The following PRICKLE2 variants were observed in gnomAD, a reference collection of about 807,000 sequenced individuals.
The protein encoded by PRICKLE2 is prickle planar cell polarity protein 2, also known as prickle-like protein 2.
In PRICKLE2, 21 loss-of-function variants were observed where a neutral mutation model predicts 81.4. The observed-to-expected ratio is 0.26, with a 90% CI of 0.18 to 0.37. The LOEUF (loss-of-function observed/expected upper bound fraction) is 0.37, where lower values mean the gene tolerates loss of function less well. Among genes scored for constraint, PRICKLE2 ranks in the 10% least tolerant of loss-of-function variants. The pLI, the probability that PRICKLE2 is intolerant of heterozygous loss-of-function variation, is 1.00. For missense variants in PRICKLE2, 940 were observed against 1,109.0 expected (o/e 0.85, Z 2.16); for synonymous variants, 456 against 421.5 (o/e 1.08, Z -1.00).
At position 64,266,659 on chromosome 3, in the gene PRICKLE2, T is replaced by C. The variant is rs114030159; in HGVS notation, c.129-67692A>G. On this transcript the variant is annotated intron_variant, in intron 2 of 8. Transcript: ENST00000295902. ...GATTTGAAAAGGAAAGGCCCAGATC[T>C]TCCCCAAGTGGTATTTGTTCTGTCT... is the stretch of plus-strand genomic sequence containing the variant. Among the ~76,000 whole-genome samples the C allele has an allele frequency of 7.7e-3, 1,175 of 152,286 alleles. 19 individuals carry two copies. Among genetic ancestry groups the C allele is most frequent in the African/African-American group, 0.027 (1,119 of 41,546 alleles).
upstream of PRICKLE2, among the ~76,000 whole-genome samples, chr3:64,226,371 T>G (rs1315167554): frequency 2.0e-5 from 3 of 152,316 alleles, no homozygotes; most frequent in East Asian, 5.8e-4. Context: ...GAGAGCCCTG[T>G]GTTCAAATCC....
chr3:64,246,916 G>C (rs999155755), intron 2 of PRICKLE2, among the ~76,000 whole-genome samples: 4 of 152,214 alleles, frequency 2.6e-5, no homozygotes, highest in African/African-American at 9.7e-5. Flanking sequence ...GAATCCCAGA[G>C]GAGGGGCACG....
At chr3:64,133,880 C>T (rs1559529525) in intron 7 of PRICKLE2, among the ~76,000 whole-genome samples, 1 of 152,190 alleles carries the variant, frequency 6.6e-6, no homozygotes, top group Non-Finnish European at 1.5e-5. Context: ...CCAAATCTCA[C>T]ACTCATCCAT....
At chr3:64,164,602 A>G (rs528212814) in intron 2 of PRICKLE2, among the ~76,000 whole-genome samples, 1 of 152,344 alleles carries the variant, frequency 6.6e-6, no homozygotes, top group African/African-American at 2.4e-5. Flanking sequence ...TAATGATGGT[A>G]ACCATTAACC....
intron 2 of PRICKLE2, among the ~76,000 whole-genome samples, chr3:64,165,969 TGTGTG>T (rs1372168960): frequency 2.0e-4 from 1 of 5,008 alleles, no homozygotes; most frequent in Non-Finnish European, 4.1e-4. Flanking sequence ...TAAAGGTGTG[TGTGTG>T]TGTGTGTGTG....
Position 64,147,212 on chromosome 3 carries a change from A to G in PRICKLE2, c.1278T>C (p.Thr426=). 4 of 1,610,968 alleles carry G rather than the reference A, an allele frequency of 2.5e-6. No homozygotes were observed. The highest frequency in any genetic ancestry group is 2.5e-6 in the Non-Finnish European group (3 of 1,178,220). ...CCCCTTGCCCTCCTGGACTGTAGGA[A>G]GTTCTGATGTTGCACTGGCTGAGGA... is the stretch of plus-strand genomic sequence containing the variant. ...LQLLSQCNIR[T]SYSPGGQGAG... is the part of the protein sequence containing the mutation. Residue 426 remains threonine (T), a synonymous_variant, in exon 7 of 8, where the codon ACT becomes ACC. Coordinates refer to ENST00000638394, the MANE Select transcript of PRICKLE2 (RefSeq NM_198859.4). The surrounding 1 kb of genome is among the most constrained non-coding windows in gnomAD (Gnocchi z 5.0).
chr3:64,253,037 T>C (rs950983934), intron 2 of PRICKLE2, among the ~76,000 whole-genome samples: 1 of 152,178 alleles, frequency 6.6e-6, no homozygotes, highest in African/African-American at 2.4e-5. Context: ...CATAACTTGA[T>C]TGTATAAGAT....
rs563291712 is a variant in PRICKLE2, at chr3:64,201,477, G to C, written c.-40-2510C>G. Among the ~76,000 whole-genome samples, 13 of 152,222 alleles carry C rather than the reference G, an allele frequency of 8.5e-5. No homozygotes were observed. In the South Asian group the frequency reaches 1.2e-3, roughly 15 times the overall value. On this transcript the variant is annotated intron_variant, in intron 1 of 7. Coordinates refer to ENST00000638394, the MANE Select transcript of PRICKLE2 (RefSeq NM_198859.4). Reference sequence around the variant, plus strand: ...CAGTATTTAATTGTGGTTTTGATTTGCATTTCCCTAACGTCTAATGATGTT... The same window carrying C: ...CAGTATTTAATTGTGGTTTTGATTTCCATTTCCCTAACGTCTAATGATGTT...
chr3:64,228,653 G>T (rs756473795), upstream of PRICKLE2, among the ~76,000 whole-genome samples: 8 of 152,070 alleles, frequency 5.3e-5, no homozygotes, highest in Non-Finnish European at 8.8e-5. Context: ...CTAAAAAACA[G>T]TGAAATTCCA....
chr3:64,151,033 A>G (rs917501872), intron 6 of PRICKLE2, among the ~76,000 whole-genome samples: 1 of 152,138 alleles, frequency 6.6e-6, no homozygotes, highest in Non-Finnish European at 1.5e-5. Flanking sequence ...TACTGCTGCC[A>G]CAGCCTCGGT....
chr3:64,220,021 T>G (rs990922209), intron 1 of PRICKLE2, among the ~76,000 whole-genome samples: 3 of 152,216 alleles, frequency 2.0e-5, no homozygotes, highest in African/African-American at 7.2e-5. Context: ...TTATCATACA[T>G]CCACATCAAC....
At chr3:64,137,652 T>C (rs1307010626) in intron 7 of PRICKLE2, among the ~76,000 whole-genome samples, 6 of 152,172 alleles carry the variant, frequency 3.9e-5, no homozygotes, top group African/African-American at 1.4e-4. Flanking sequence ...CTCTTCCAAC[T>C]GCCCACTGAT....
chr3:64,264,910 G>T (rs551913382), intron 2 of PRICKLE2, among the ~76,000 whole-genome samples: 1 of 152,262 alleles, frequency 6.6e-6, no homozygotes, highest in South Asian at 2.1e-4. Context: ...ACACAGGCTG[G>T]CTGTTAAAAG....
Position 64,225,059 on chromosome 3 carries a change from C to T in PRICKLE2, c.-190G>A, listed in dbSNP as rs1172891584. 3.0e-6 allele frequency: 3 copies of T among 985,360 alleles called. No individual in the cohort carries two copies. Among genetic ancestry groups the T allele is most frequent in the African/African-American group, 1.7e-5 (1 of 57,202 alleles). The allele number at this position is 985,360 out of a possible 1,614,324, so 61.0% of individuals were successfully genotyped here. A position where few individuals can be genotyped will look rare whatever the true frequency, so the allele number is the denominator to read the frequency against. On this transcript the variant is annotated 5_prime_UTR_variant, in exon 1 of 8. Transcript: ENST00000638394. ...AGCCAAAGCATCTTCTCCTCAAACC[C>T]CCTTTTCAGTCTGAACCCTTCCTGA...
chr3:64,096,216 C>T lies in PRICKLE2; in HGVS notation c.*2835G>A, dbSNP rs2076570615. 1 of 152,208 alleles carries T rather than the reference C, an allele frequency of 6.6e-6. No individual in the cohort carries two copies. Among genetic ancestry groups the T allele is most frequent in the Non-Finnish European group, 1.5e-5 (1 of 68,072 alleles). 9.4% of individuals were successfully genotyped at this position (152,208 alleles called of 1,614,324 possible). A position where few individuals can be genotyped will look rare whatever the true frequency, so the allele number is the denominator to read the frequency against. ...AAGAGAGAACGCTGGAAAAAGATTA[C>T]TATTCTGGAAATCAGTCTCTTGAAG... On this transcript the variant is annotated 3_prime_UTR_variant, in exon 8 of 8. Transcript: ENST00000638394.
rs2077009315 is a variant in PRICKLE2, at chr3:64,120,580, A to G, written c.1661-20655T>C. Reference sequence around the variant, plus strand: ...GCCCAGGGATCTTCTTAAAATGAAAATCTGAATCCACTAAGTCTGAGATTC... The same window carrying G: ...GCCCAGGGATCTTCTTAAAATGAAAGTCTGAATCCACTAAGTCTGAGATTC... On this transcript the variant is annotated intron_variant, in intron 7 of 7. Coordinates refer to ENST00000638394, the MANE Select transcript of PRICKLE2 (RefSeq NM_198859.4). Among the ~76,000 whole-genome samples the G allele has an allele frequency of 2.0e-5, 3 of 152,250 alleles. No individual in the cohort carries two copies. In the South Asian group the frequency reaches 6.2e-4, roughly 32 times the overall value.
chr3:64,197,803 C>G (rs538830473), intron 2 of PRICKLE2, among the ~76,000 whole-genome samples: 1 of 152,124 alleles, frequency 6.6e-6, no homozygotes, highest in African/African-American at 2.4e-5. Flanking sequence ...TCCCATGACA[C>G]CAGTCTACCT....
rs182900450 is a variant in PRICKLE2, at chr3:64,158,876, C to T, written c.396+1064G>A. Among the ~76,000 whole-genome samples, 1,140 of 152,348 alleles carry T rather than the reference C, an allele frequency of 7.5e-3. 18 individuals are homozygous for T. Among genetic ancestry groups the T allele is most frequent in the Non-Finnish European group, 7.0e-3 (473 of 68,036 alleles). On this transcript the variant is annotated intron_variant, in intron 4 of 7. Transcript: ENST00000638394. ...CTCAAAAAAGGGCCTCAAATGACAT[C>T]TGCTTCCCTTGGGCAGCATCCCACC...
At chr3:64,209,082 T>C (rs1171059025) in intron 1 of PRICKLE2, among the ~76,000 whole-genome samples, 1 of 151,934 alleles carries the variant, frequency 6.6e-6, no homozygotes, top group South Asian at 2.1e-4. Context: ...TATCCTTAAA[T>C]ACATACATAT....
Sources: gnomAD v4.1 joint callset for allele counts (sites outside exome capture counted in the v4.1 genomes callset) on GRCh38, gnomAD v4.1.1 for gene constraint, Gnocchi (gnomAD v3.1) non-coding constraint, MANE v1.5 for transcripts, NCBI Gene and HGNC (gene_info 2026-07-23, HGNC 2026-07-21) for gene names.